PTPN13: variants seen among roughly 807,000 people sequenced by gnomAD.
PTPN13 encodes the protein tyrosine-protein phosphatase non-receptor type 13.
Under a neutral mutation model 284.0 loss-of-function variants are expected in PTPN13, and 191 were observed. The observed-to-expected ratio is 0.67, with a 90% CI of 0.60 to 0.76. The LOEUF (loss-of-function observed/expected upper bound fraction) is 0.76, where lower values mean the gene tolerates loss of function less well. Ranked by LOEUF, PTPN13 falls within the 30% of genes least tolerant of loss-of-function variation. PTPN13 has a pLI of 0.00. For synonymous variants in PTPN13, 986 were observed against 1,022.3 expected (o/e 0.96, Z 0.68); for missense variants, 2,797 against 2,939.9 (o/e 0.95, Z 1.12).
intron 42 of PTPN13, 45 bp from the exon 43 acceptor site, chr4:86,803,664 A>G: frequency 6.3e-7 from 1 of 1,594,990 alleles, no homozygotes; most frequent in Non-Finnish European, 8.6e-7. Context: ...ACTTAGTTAA[A>G]TTGGTTCTGG....
chr4:86,625,156 A>C (rs577678987), intron 1 of PTPN13, among the ~76,000 whole-genome samples: 9 of 152,194 alleles, frequency 5.9e-5, no homozygotes, highest in Middle Eastern at 3.4e-3. Context: ...GACTTTACCT[A>C]TTGCTTACCC....
chr4:86,794,586 C>A (rs1457957234), intron 40 of PTPN13, among the ~76,000 whole-genome samples: 1 of 152,162 alleles, frequency 6.6e-6, no homozygotes, highest in East Asian at 1.9e-4. Context: ...GTCCACATAG[C>A]CAAGACAATC....
chr4:86,800,829 G>T (rs1393184755), intron 42 of PTPN13, among the ~76,000 whole-genome samples: 1 of 152,176 alleles, frequency 6.6e-6, no homozygotes, highest in African/African-American at 2.4e-5. Flanking sequence ...TGTAGCCCTT[G>T]CTCATCCACC....
Position 86,784,470 on chromosome 4 carries a change from T to A in PTPN13, c.6030T>A (p.Ala2010=). 1 of 1,603,332 alleles carries A rather than the reference T, an allele frequency of 6.2e-7. No homozygotes were observed. Among genetic ancestry groups the A allele is most frequent in the Admixed American group, 1.7e-5 (1 of 57,366 alleles). ...LTPNDSFSTV[A]GEEINEISYP... is the part of the protein sequence containing the mutation. ...GCTTTGGTTTTATGCTTTAGGTTGC[T>A]GGGGAAGAAATAAATGAAATATCGT... is the stretch of plus-strand genomic sequence containing the variant. The change falls in exon 38 of 48, where the codon GCT becomes GCA. Residue 2010 remains alanine, a synonymous_variant. Transcript: ENST00000411767.
In PTPN13 at chr4:86,799,168, C is replaced by A; in HGVS notation, c.6469C>A (p.Pro2157Thr). ...AATAACATGGGGAAATGATGAGTTG[C>A]CAATAGAGAGAACAAACCATGAAGA... is the stretch of plus-strand genomic sequence containing the variant. Reference protein sequence around the residue: ...DEITWGNDELPIERTNHEDSD... With the variant: ...DEITWGNDELTIERTNHEDSD... The change falls in exon 42 of 48, where the codon CCA becomes ACA. Residue 2157 changes from proline to threonine, a missense_variant. Pro to Thr is a conservative substitution (Grantham distance 38). Coordinates refer to ENST00000411767, the MANE Select transcript of PTPN13 (RefSeq NM_080683.3). The A allele has an allele frequency of 1.3e-6, 2 of 1,585,194 alleles. No individual in the cohort carries two copies. Among genetic ancestry groups the A allele is most frequent in the Non-Finnish European group, 1.7e-6 (2 of 1,166,500 alleles).
At chr4:86,697,139 T>C (rs907363344) in intron 6 of PTPN13, among the ~76,000 whole-genome samples, 1 of 152,128 alleles carries the variant, frequency 6.6e-6, no homozygotes, top group African/African-American at 2.4e-5. Flanking sequence ...CTAAGACACC[T>C]AGGACACTTG....
At chr4:86,616,537 TG>T (rs1442658672) in intron 1 of PTPN13, among the ~76,000 whole-genome samples, 2 of 92,348 alleles carry the variant, frequency 2.2e-5, no homozygotes, top group Admixed American at 2.8e-4. Flanking sequence ...ATTTAGATCG[TG>T]GGGCCATGGG....
At chr4:86,796,746 A>G (rs561169905) in intron 40 of PTPN13, 128 bp from the exon 41 acceptor site, 5 of 635,138 alleles carry the variant, frequency 7.9e-6, no homozygotes, top group Non-Finnish European at 1.1e-5. Context: ...ATTGAATGTC[A>G]TATGTGTCTT....
At chr4:86,691,743 A>G (rs1375009569) in intron 5 of PTPN13, among the ~76,000 whole-genome samples, 1 of 152,176 alleles carries the variant, frequency 6.6e-6, no homozygotes, top group Non-Finnish European at 1.5e-5. Context: ...TGGAGACATA[A>G]TTGGAACTGG....
chr4:86,748,305 C>G (rs1389550224), intron 17 of PTPN13, among the ~76,000 whole-genome samples: 2 of 152,160 alleles, frequency 1.3e-5, no homozygotes, highest in Non-Finnish European at 2.9e-5. Context: ...TATTAGGATA[C>G]AGGCTCATTC....
chr4:86,750,436 T>C (rs1231484328), intron 17 of PTPN13, 34 bp from the exon 18 acceptor site: 3 of 1,551,532 alleles, frequency 1.9e-6, no homozygotes, highest in Non-Finnish European at 1.7e-6. Flanking sequence ...ACTGTGGCGT[T>C]ACCATCATGT....
intron 32 of PTPN13, 45 bp from the exon 33 acceptor site, chr4:86,774,328 G>GGT: frequency 6.6e-7 from 1 of 1,518,120 alleles, no homozygotes; most frequent in East Asian, 2.3e-5. Flanking sequence ...TTTGTCTATA[G>GGT]TGCAGAATAG....
intron 7 of PTPN13, among the ~76,000 whole-genome samples, chr4:86,702,151 C>G (rs1731235845): frequency 6.6e-6 from 1 of 152,186 alleles, no homozygotes; most frequent in Non-Finnish European, 1.5e-5. Flanking sequence ...TGCACTATCT[C>G]ATGGGAGGCT....
intron 4 of PTPN13, 57 bp downstream of exon 4, chr4:86,686,832 A>T (rs2148950794): frequency 8.5e-7 from 1 of 1,176,192 alleles, no homozygotes; most frequent in Admixed American, 2.2e-5. Context: ...TTTACACCTT[A>T]TATCATAGCT....
intron 2 of PTPN13, among the ~76,000 whole-genome samples, chr4:86,650,583 A>T (rs1724973215): frequency 1.3e-5 from 2 of 152,232 alleles, no homozygotes; most frequent in Non-Finnish European, 2.9e-5. Flanking sequence ...AATTATAGGC[A>T]TAAATCATTG....
chr4:86,618,139 A>C (rs1212805315), intron 1 of PTPN13, among the ~76,000 whole-genome samples: 3 of 152,018 alleles, frequency 2.0e-5, no homozygotes, highest in Non-Finnish European at 4.4e-5. Context: ...TCAGCTTTCT[A>C]CATATGGCTA....
intron 2 of PTPN13, among the ~76,000 whole-genome samples, chr4:86,658,701 A>G (rs1471712549): frequency 1.3e-5 from 2 of 152,232 alleles, no homozygotes; most frequent in African/African-American, 4.8e-5. Flanking sequence ...AAGGAAAACC[A>G]AGAGGATAGG....
intron 35 of PTPN13, among the ~76,000 whole-genome samples, chr4:86,779,285 C>CG (rs1565558669): frequency 6.6e-6 from 1 of 151,836 alleles, no homozygotes; most frequent in South Asian, 2.1e-4. Flanking sequence ...GGCGTGGTGG[C>CG]GGGCGCCTGT....
intron 7 of PTPN13, among the ~76,000 whole-genome samples, chr4:86,709,653 A>G (rs971250612): frequency 1.3e-5 from 2 of 152,288 alleles, no homozygotes; most frequent in Admixed American, 6.5e-5. Flanking sequence ...TTCATTTCCT[A>G]TTGAACTCTG....
Sources: allele counts gnomAD v4.1 joint callset (sites outside exome capture counted in the v4.1 genomes callset), GRCh38; gene constraint gnomAD v4.1.1; transcripts MANE v1.5; gene names NCBI Gene and HGNC (gene_info 2026-07-23, HGNC 2026-07-21).